CDK5RAP2: variants seen among roughly 807,000 people sequenced by gnomAD.
CDK5RAP2 encodes CDK5 regulatory subunit associated protein 2.
In CDK5RAP2, 147 loss-of-function variants were observed where a neutral mutation model predicts 232.9. That is an observed-to-expected ratio of 0.63 (90% confidence interval 0.55 to 0.72). CDK5RAP2 has a LOEUF of 0.72. Ranked by LOEUF, CDK5RAP2 falls within the 30% of genes least tolerant of loss-of-function variation. The probability of loss-of-function intolerance (pLI) is 0.00; values close to 1 mark genes in which losing one functional copy is unlikely to be tolerated. For synonymous variants in CDK5RAP2, 833 were observed against 833.7 expected (o/e 1.00, Z 0.01); for missense variants, 2,195 against 2,231.5 (o/e 0.98, Z 0.33).
At chr9:120,392,085 A>C (rs933289820) in intron 36 of CDK5RAP2, among the ~76,000 whole-genome samples, 37 of 152,098 alleles carry the variant, frequency 2.4e-4, no homozygotes, top group Non-Finnish European at 4.1e-4. Context: ...ATGATTTGCC[A>C]CCTCCATGCA....
intron 22 of CDK5RAP2, among the ~76,000 whole-genome samples, chr9:120,447,327 G>C (rs777951529): frequency 2.7e-4 from 41 of 152,176 alleles, no homozygotes; most frequent in Non-Finnish European, 5.4e-4. Context: ...TCCTAGACTA[G>C]AGGACGCCAC....
intron 3 of CDK5RAP2, among the ~76,000 whole-genome samples, chr9:120,556,336 G>A (rs528816327): frequency 2.0e-5 from 3 of 152,128 alleles, no homozygotes; most frequent in East Asian, 1.9e-4. Context: ...ACACTTGGAC[G>A]CTAGTACATC....
intron 29 of CDK5RAP2, among the ~76,000 whole-genome samples, chr9:120,410,370 C>G (rs1447930480): frequency 6.6e-6 from 1 of 152,158 alleles, no homozygotes; most frequent in East Asian, 1.9e-4. Flanking sequence ...TTTAAAAGGC[C>G]CTGGCTCCTC....
At chr9:120,562,284 C>T (rs1588662037) in intron 3 of CDK5RAP2, among the ~76,000 whole-genome samples, 2 of 152,170 alleles carry the variant, frequency 1.3e-5, no homozygotes. Flanking sequence ...TAAAAATTTA[C>T]ACTACTCAGC....
chr9:120,568,447 T>C lies in CDK5RAP2; in HGVS notation c.128-59A>G, dbSNP rs745416914. ...GCATGCAAACTGCCCAGTGTTCCTA[T>C]TGGGGAATAGAGCACAGAGAGGAAA... On this transcript the variant is annotated intron_variant, in intron 2 of 37. Coordinates refer to ENST00000349780, the MANE Select transcript of CDK5RAP2 (RefSeq NM_018249.6). 1.2e-5 allele frequency: 14 copies of C among 1,197,556 alleles called. 1 individual carries two copies. Among genetic ancestry groups the C allele is most frequent in the Admixed American group, 1.0e-4 (6 of 59,500 alleles). 74.2% of individuals were successfully genotyped at this position (1,197,556 alleles called of 1,614,324 possible). A position where few individuals can be genotyped will look rare whatever the true frequency, so the allele number is the denominator to read the frequency against.
chr9:120,447,130 T>A (rs945067119), intron 22 of CDK5RAP2, among the ~76,000 whole-genome samples: 1 of 152,228 alleles, frequency 6.6e-6, no homozygotes, highest in Non-Finnish European at 1.5e-5. Context: ...CTTGTTATGG[T>A]GCTGCTGCCA....
At chr9:120,571,690 G>A (rs1173701296) in intron 2 of CDK5RAP2, 7 of 413,844 alleles carry the variant, frequency 1.7e-5, no homozygotes, top group East Asian at 5.4e-5. Context: ...TCCAGCCTCC[G>A]TGCAGTTGTT....
At chr9:120,468,059 C>A (rs1054442577) in intron 17 of CDK5RAP2, 62 bp from the exon 18 acceptor site, 1 of 1,577,288 alleles carries the variant, frequency 6.3e-7, no homozygotes, top group East Asian at 2.2e-5. Context: ...TTCCCAGGGC[C>A]GCAGCCCCAG....
At position 120,554,726 on chromosome 9, in the gene CDK5RAP2, C is replaced by T. The variant is rs2042162568; in HGVS notation, c.196-3824G>A. 3.3e-5 allele frequency among the ~76,000 whole-genome samples: 5 copies of T among 152,218 alleles called. 1 individual carries two copies. In the South Asian group the frequency reaches 6.2e-4, roughly 19 times the overall value. On this transcript the variant is annotated intron_variant, in intron 3 of 37. Transcript: ENST00000349780. ...TTGGCACACTGCAACCTCCACCTCC[C>T]GGGTTCAAGCCATTCTCCTGCCTCA...
chr9:120,390,858 T>A (rs1176246114), intron 36 of CDK5RAP2, among the ~76,000 whole-genome samples: 1 of 152,178 alleles, frequency 6.6e-6, no homozygotes, highest in African/African-American at 2.4e-5. Context: ...ATTTCTTGCC[T>A]CACGAAAATT....
At chr9:120,491,540 G>T in intron 12 of CDK5RAP2, 63 bp from the exon 13 acceptor site, 1 of 1,161,636 alleles carries the variant, frequency 8.6e-7, no homozygotes, top group South Asian at 1.2e-5. Flanking sequence ...TTATGTGTTT[G>T]ACTTGCTAAA....
chr9:120,402,728 C>A, intron 34 of CDK5RAP2, 78 bp downstream of exon 34: 1 of 1,536,072 alleles, frequency 6.5e-7, no homozygotes, highest in South Asian at 1.1e-5. Flanking sequence ...AGGACAACTG[C>A]GCCATTTGAC....
At chr9:120,392,951 G>A (rs145087998) in intron 36 of CDK5RAP2, among the ~76,000 whole-genome samples, 18 of 152,284 alleles carry the variant, frequency 1.2e-4, no homozygotes, top group Middle Eastern at 3.4e-3. Context: ...CCTGCTGCTC[G>A]TCCTGGAGTC....
chr9:120,544,721 A>C (rs916988932), intron 5 of CDK5RAP2, among the ~76,000 whole-genome samples: 1 of 152,222 alleles, frequency 6.6e-6, no homozygotes, highest in African/African-American at 2.4e-5. Context: ...GCAACCCTGG[A>C]AAGTCTTATT....
At chr9:120,455,397 C>T (rs2036710344) in intron 20 of CDK5RAP2, among the ~76,000 whole-genome samples, 1 of 149,912 alleles carries the variant, frequency 6.7e-6, no homozygotes, top group South Asian at 2.1e-4. Flanking sequence ...AAAACGAAGG[C>T]CACTGAAAGG....
At chr9:120,473,197 G>T (rs2037816879) in intron 15 of CDK5RAP2, among the ~76,000 whole-genome samples, 1 of 152,210 alleles carries the variant, frequency 6.6e-6, no homozygotes, top group Non-Finnish European at 1.5e-5. Context: ...CTGGGTCAAA[G>T]TATATGAACA....
chr9:120,569,329 T>C (rs1267730753), intron 2 of CDK5RAP2, among the ~76,000 whole-genome samples: 2 of 151,974 alleles, frequency 1.3e-5, no homozygotes, highest in Admixed American at 6.6e-5. Flanking sequence ...GGAAACACAA[T>C]AAACAAAACA....
intron 12 of CDK5RAP2, among the ~76,000 whole-genome samples, chr9:120,498,299 T>C (rs374287069): frequency 2.6e-5 from 4 of 152,182 alleles, no homozygotes; most frequent in Admixed American, 6.5e-5. Context: ...ACGGACTTCA[T>C]TGCCCCCACG....
intron 25 of CDK5RAP2, among the ~76,000 whole-genome samples, chr9:120,428,065 A>G (rs1023306905): frequency 6.6e-6 from 1 of 152,256 alleles, no homozygotes; most frequent in Non-Finnish European, 1.5e-5. Context: ...CAACGAGAAC[A>G]AAGACACAAC....
Sources: gnomAD v4.1 joint callset for allele counts (sites outside exome capture counted in the v4.1 genomes callset) on GRCh38, gnomAD v4.1.1 for gene constraint, MANE v1.5 for transcripts, NCBI Gene and HGNC (gene_info 2026-07-23, HGNC 2026-07-21) for gene names.